Variants in PDE3A observed in about 807,000 individuals in gnomAD.
PDE3A encodes phosphodiesterase 3A, also known as cGMP-inhibited 3',5'-cyclic phosphodiesterase 3A.
A neutral mutation model predicts 98.3 loss-of-function variants in PDE3A; 43 were observed. The ratio of observed to expected loss-of-function variants is 0.44; its 90% CI spans 0.34 to 0.56. The LOEUF (loss-of-function observed/expected upper bound fraction) is 0.56. Ranked by LOEUF, PDE3A falls within the 20% of genes least tolerant of loss-of-function variation. PDE3A has a pLI of 0.01. For synonymous variants in PDE3A, 663 were observed against 567.9 expected, an observed-to-expected ratio of 1.17 and a Z score of -2.38; for missense variants, 1,427 against 1,440.7, an observed-to-expected ratio of 0.99 and a Z score of 0.15.
intron 2 of PDE3A, among the ~76,000 whole-genome samples, chr12:20,558,410 T>G (rs1051694176): frequency 2.6e-5 from 4 of 152,018 alleles, no homozygotes; most frequent in African/African-American, 7.2e-5. Context: ...AAAATCGGCT[T>G]GCATGAATTA....
chr12:20,455,135 A>T (rs1324046373), intron 1 of PDE3A, among the ~76,000 whole-genome samples: 1 of 151,980 alleles, frequency 6.6e-6, no homozygotes, highest in Non-Finnish European at 1.5e-5. Flanking sequence ...TTACTTTTTG[A>T]CTTTTTAATA....
At chr12:20,438,049 G>A (rs1269005548) in intron 1 of PDE3A, among the ~76,000 whole-genome samples, 1 of 151,888 alleles carries the variant, frequency 6.6e-6, no homozygotes, top group Non-Finnish European at 1.5e-5. Flanking sequence ...GCAGCCCTGT[G>A]CAAGGCTGTT....
At chr12:20,434,774 C>T (rs1330209797) in intron 1 of PDE3A, among the ~76,000 whole-genome samples, 1 of 152,106 alleles carries the variant, frequency 6.6e-6, no homozygotes, top group African/African-American at 2.4e-5. Context: ...CCTTGGCTTT[C>T]CCTTATTTGA....
At chr12:20,386,555 G>A (rs1943811857) in intron 1 of PDE3A, among the ~76,000 whole-genome samples, 2 of 151,548 alleles carry the variant, frequency 1.3e-5, no homozygotes, top group Admixed American at 6.6e-5. Flanking sequence ...TGGCCAGACT[G>A]GTCTCCGTCT....
At chr12:20,606,225 T>C (rs1329806493) in intron 2 of PDE3A, among the ~76,000 whole-genome samples, 8 of 152,176 alleles carry the variant, frequency 5.3e-5, no homozygotes, top group Non-Finnish European at 1.2e-4. Context: ...TTTGTTTTCA[T>C]TTACTCTTTT....
chr12:20,542,070 A>T (rs1024277737), intron 1 of PDE3A, among the ~76,000 whole-genome samples: 3 of 151,930 alleles, frequency 2.0e-5, no homozygotes, highest in Non-Finnish European at 4.4e-5. Flanking sequence ...TTTCTCAACA[A>T]CCTCCCAAAG....
intron 1 of PDE3A, among the ~76,000 whole-genome samples, chr12:20,534,860 G>C (rs753972589): frequency 1.3e-5 from 2 of 152,036 alleles, no homozygotes; most frequent in Non-Finnish European, 2.9e-5. Flanking sequence ...ATATTTTATG[G>C]CTTAATCATT....
In PDE3A at chr12:20,680,760, T is replaced by C. The variant is rs1945758769; in HGVS notation, c.*489T>C. On this transcript the variant is annotated 3_prime_UTR_variant, in exon 16 of 16. Transcript: ENST00000359062. ...ATGTAGGTTACCAACTAAGCAGCTT[T>C]TGCTCTTAGTACTGAGGGATGAAAG... 6.5e-6 allele frequency: 1 copy of C among 154,682 alleles called. No individual in the cohort carries two copies. The highest frequency in any genetic ancestry group is 2.0e-4 in the South Asian group (1 of 4,952). 9.6% of individuals were successfully genotyped at this position (154,682 alleles called of 1,614,324 possible). A position where few individuals can be genotyped will look rare whatever the true frequency, so the allele number is the denominator to read the frequency against.
At chr12:20,474,541 A>G (rs989996147) in intron 1 of PDE3A, among the ~76,000 whole-genome samples, 1 of 152,214 alleles carries the variant, frequency 6.6e-6, no homozygotes, top group African/African-American at 2.4e-5. Flanking sequence ...ATAAGCACGA[A>G]GTCAGTTTCA....
chr12:20,655,043 G>A (rs1046546078), intron 15 of PDE3A, among the ~76,000 whole-genome samples: 2 of 152,086 alleles, frequency 1.3e-5, no homozygotes, highest in Non-Finnish European at 2.9e-5. Flanking sequence ...TAAAATCCTT[G>A]CCCTTATAGA....
intron 1 of PDE3A, among the ~76,000 whole-genome samples, chr12:20,465,299 T>TC (rs1243985387): frequency 2.0e-5 from 3 of 152,204 alleles, no homozygotes; most frequent in Non-Finnish European, 4.4e-5. Flanking sequence ...TTACACACGC[T>TC]CATTCACAGC....
chr12:20,677,490 C>T (rs12318478), intron 15 of PDE3A, among the ~76,000 whole-genome samples: 9,234 of 151,712 alleles, frequency 0.061, 565 homozygotes, highest in Middle Eastern at 0.17. Flanking sequence ...GACAGAGTCT[C>T]GCTCTGTCAC....
chr12:20,467,154 TA>T (rs1945352622), intron 1 of PDE3A, among the ~76,000 whole-genome samples: 1 of 152,162 alleles, frequency 6.6e-6, no homozygotes, highest in South Asian at 2.1e-4. Flanking sequence ...AGACTGCTGT[TA>T]AACATGAGTT....
chr12:20,399,855 A>G (rs1944088220), intron 1 of PDE3A, among the ~76,000 whole-genome samples: 1 of 152,232 alleles, frequency 6.6e-6, no homozygotes, highest in Non-Finnish European at 1.5e-5. Context: ...CAAGGCTTTT[A>G]CAAACTCCTT....
intron 1 of PDE3A, among the ~76,000 whole-genome samples, chr12:20,401,129 C>T (rs1311244003): frequency 2.6e-5 from 4 of 152,122 alleles, no homozygotes; most frequent in Non-Finnish European, 5.9e-5. Flanking sequence ...CCCAGTCCTT[C>T]TTTCCGTTTT....
chr12:20,374,358 T>C (rs1302632586), intron 1 of PDE3A, among the ~76,000 whole-genome samples: 1 of 152,100 alleles, frequency 6.6e-6, no homozygotes, highest in African/African-American at 2.4e-5. Flanking sequence ...ATTTTACTCT[T>C]TCTGTATTGA....
chr12:20,549,080 C>T lies in PDE3A; in HGVS notation c.961-7580C>T, dbSNP rs1229208539. Among the ~76,000 whole-genome samples the T allele has an allele frequency of 2.6e-5, 4 of 152,000 alleles. No homozygotes were observed. In the East Asian group the frequency reaches 5.8e-4, roughly 22 times the overall value. On this transcript the variant is annotated intron_variant, in intron 1 of 15. Coordinates refer to ENST00000359062, the MANE Select transcript of PDE3A (RefSeq NM_000921.5). ...AGTACTTACCAGTAGCTAAATGCCT[C>T]ATTTTATTTTAAATAATCTGTAATA...
intron 1 of PDE3A, among the ~76,000 whole-genome samples, chr12:20,545,747 C>T (rs2121233875): frequency 7.2e-6 from 1 of 138,790 alleles, no homozygotes; most frequent in Admixed American, 7.5e-5. Flanking sequence ...TGCCCTACCC[C>T]AAGAGTAAAG....
In PDE3A at chr12:20,688,350, C is replaced by G. The variant is rs910990403; in HGVS notation, c.*8079C>G. Among the ~76,000 whole-genome samples the G allele has an allele frequency of 2.0e-5, 3 of 151,632 alleles. No individual in the cohort carries two copies. Among genetic ancestry groups the G allele is most frequent in the African/African-American group, 7.3e-5 (3 of 41,304 alleles). On this transcript the variant is annotated 3_prime_UTR_variant, in exon 16 of 16. Coordinates refer to ENST00000359062, the MANE Select transcript of PDE3A (RefSeq NM_000921.5). ...GAGAAATGTTTGTAAAAAGTAGAAT[C>G]TGTACAGAAAAAAAACTAGATCAAT...
Sources: gnomAD v4.1 joint callset for allele counts (sites outside exome capture counted in the v4.1 genomes callset) on GRCh38, gnomAD v4.1.1 for gene constraint, MANE v1.5 for transcripts, NCBI Gene and HGNC (gene_info 2026-07-23, HGNC 2026-07-21) for gene names.